TMEM51: variants seen among roughly 807,000 people sequenced by gnomAD.
TMEM51 encodes chromosome 1 open reading frame 72.
TMEM51 carries 8 observed loss-of-function variants against 13.6 expected under a neutral mutation model. The ratio of observed to expected loss-of-function variants is 0.59; its 90% CI spans 0.35 to 1.07. TMEM51 has a LOEUF of 1.07. Ranked by LOEUF, TMEM51 falls within the 50% of genes least tolerant of loss-of-function variation. The pLI is 0.02. For missense variants in TMEM51, 279 were observed against 330.7 expected (o/e 0.84, Z 1.21); for synonymous variants, 147 against 144.4 (o/e 1.02, Z -0.13).
At chr1:15,193,174 C>T (rs1643969072) in intron 1 of TMEM51, among the ~76,000 whole-genome samples, 1 of 152,236 alleles carries the variant, frequency 6.6e-6, no homozygotes, top group Admixed American at 6.5e-5. Context: ...GCGCTGTCAT[C>T]TGGGGGTTTC....
At chr1:15,200,421 AAAAAAAAAAAAG>A (rs1278726270) in intron 1 of TMEM51, among the ~76,000 whole-genome samples, 22 of 149,198 alleles carry the variant, frequency 1.5e-4, no homozygotes, top group Admixed American at 1.5e-3. Flanking sequence ...AAAAAAAAAA[AAAAAAAAAAAAG>A]AGAGAGATTA....
chr1:15,180,565 A>G (rs1438991712), intron 1 of TMEM51, among the ~76,000 whole-genome samples: 3 of 152,180 alleles, frequency 2.0e-5, no homozygotes, highest in Admixed American at 1.3e-4. Flanking sequence ...TTTTGGGGGC[A>G]TGTTTAATTA....
intron 1 of TMEM51, among the ~76,000 whole-genome samples, chr1:15,175,362 T>C (rs1374465098): frequency 1.3e-5 from 2 of 152,112 alleles, no homozygotes; most frequent in African/African-American, 2.4e-5. Flanking sequence ...ACCATACCAC[T>C]GCACTCCAGT....
chr1:15,192,304 TG>T, intron 1 of TMEM51: 1 of 367,972 alleles, frequency 2.7e-6, no homozygotes. Context: ...CAGGATCTAC[TG>T]GTCTTGAAAG....
intron 1 of TMEM51, among the ~76,000 whole-genome samples, chr1:15,159,431 C>T (rs1424619689): frequency 6.6e-6 from 1 of 152,218 alleles, no homozygotes; most frequent in African/African-American, 2.4e-5. Context: ...TCATGTTTAT[C>T]CTAAAGCCTG....
chr1:15,188,958 G>A (rs1643865246), intron 1 of TMEM51, among the ~76,000 whole-genome samples: 1 of 152,110 alleles, frequency 6.6e-6, no homozygotes, highest in South Asian at 2.1e-4. Context: ...GCCTCTCCAG[G>A]GTCCACCCTT....
chr1:15,182,631 G>T (rs532645695), intron 1 of TMEM51, among the ~76,000 whole-genome samples: 4 of 152,330 alleles, frequency 2.6e-5, no homozygotes, highest in Non-Finnish European at 5.9e-5. Context: ...ACCTTAGGCA[G>T]TTGGGAGCAA....
At chr1:15,171,252 T>C in intron 1 of TMEM51, 1 of 1,304,028 alleles carries the variant, frequency 7.7e-7, no homozygotes, top group South Asian at 1.2e-5. Context: ...GATCAAAAGG[T>C]TTGCAGGTCA....
At chr1:15,168,332 G>A in intron 1 of TMEM51, 1 of 760,810 alleles carries the variant, frequency 1.3e-6, no homozygotes, top group Non-Finnish European at 1.8e-6. Context: ...GATTCTCAAA[G>A]GGGTCTGTGC....
chr1:15,161,324 T>C lies in TMEM51; in HGVS notation c.-267+7370T>C, dbSNP rs765389455. Among the ~76,000 whole-genome samples the C allele has an allele frequency of 6.6e-6, 1 of 151,794 alleles. No homozygotes were observed. Among genetic ancestry groups the C allele is most frequent in the African/African-American group, 2.4e-5 (1 of 41,192 alleles). On this transcript the variant is annotated intron_variant, in intron 1 of 3. Transcript: ENST00000376008. The surrounding 1 kb of genome is among the most constrained non-coding windows in gnomAD (Gnocchi z 4.0). Reference sequence around the variant, plus strand: ...GAGTTCACGACTAGCCTGGCCAACATGGTGAAACCCCATCTCTACTAAAAA... The same window carrying C: ...GAGTTCACGACTAGCCTGGCCAACACGGTGAAACCCCATCTCTACTAAAAA...
chr1:15,214,202 G>A (rs1050494130), intron 2 of TMEM51, among the ~76,000 whole-genome samples: 1 of 152,054 alleles, frequency 6.6e-6, no homozygotes, highest in African/African-American at 2.4e-5. Context: ...GTGGTCATGG[G>A]AAGAGAGAGA....
At chr1:15,177,720 T>C (rs550799676) in intron 1 of TMEM51, among the ~76,000 whole-genome samples, 1 of 152,272 alleles carries the variant, frequency 6.6e-6, no homozygotes, top group African/African-American at 2.4e-5. Flanking sequence ...TAAGATTGCA[T>C]GATTTGCACC....
At chr1:15,162,741 A>G (rs2100815779) in intron 1 of TMEM51, among the ~76,000 whole-genome samples, 1 of 152,200 alleles carries the variant, frequency 6.6e-6, no homozygotes, top group South Asian at 2.1e-4. Flanking sequence ...TGAGGACATC[A>G]TGCTAAGTGA....
Position 15,157,739 on chromosome 1 carries a change from T to A in TMEM51, c.-267+3785T>A, listed in dbSNP as rs191584444. Among the ~76,000 whole-genome samples the A allele has an allele frequency of 3.9e-5, 6 of 152,330 alleles. No homozygotes were observed. The East Asian group carries it at 1.2e-3, about 29-fold the overall frequency. ...CTGGCATTAACACCACGGCATGAGC[T>A]AGTGAGTGCATTTATCTGGCACTCC... On this transcript the variant is annotated intron_variant, in intron 1 of 3. Coordinates refer to ENST00000376008, the MANE Select transcript of TMEM51 (RefSeq NM_001136218.2).
chr1:15,197,806 A>G (rs1157045476), intron 1 of TMEM51, among the ~76,000 whole-genome samples: 4 of 151,750 alleles, frequency 2.6e-5, no homozygotes, highest in African/African-American at 4.8e-5. Context: ...CACTTCCCTG[A>G]TCTCGCTGTG....
intron 1 of TMEM51, among the ~76,000 whole-genome samples, chr1:15,204,014 T>C (rs575506094): frequency 6.6e-6 from 1 of 152,346 alleles, no homozygotes; most frequent in South Asian, 2.1e-4. Flanking sequence ...TAAATTCTCA[T>C]CTGTGACTTC....
chr1:15,219,721 C>A lies in TMEM51; in HGVS notation c.740C>A (p.Pro247His). Residue 247 changes from proline to histidine, a missense_variant, in exon 4 of 4, where the codon CCC (proline) becomes CAC (histidine). Pro to His is a moderately conservative substitution (Grantham distance 77, BLOSUM62 -2). Transcript: ENST00000376008. The stretch of plus-strand genomic sequence containing the variant: ...TATGATGAAGTCCAGGAGAAGGCCC[C>A]CGACACCCGGCCGCCCGACTGAATG... The part of the protein sequence containing the change: ...PQYDEVQEKA[P>H]DTRPPD The A allele has an allele frequency of 6.2e-7, 1 of 1,613,272 alleles. No homozygotes were observed. The highest frequency in any genetic ancestry group is 8.5e-7 in the Non-Finnish European group (1 of 1,179,752).
At chr1:15,200,666 C>T (rs2100309778) in intron 1 of TMEM51, among the ~76,000 whole-genome samples, 1 of 152,252 alleles carries the variant, frequency 6.6e-6, no homozygotes, top group Non-Finnish European at 1.5e-5. Context: ...CTAATACAAG[C>T]TCTTAATCTC....
At chr1:15,162,935 G>C (rs1394677319) in intron 1 of TMEM51, among the ~76,000 whole-genome samples, 1 of 152,026 alleles carries the variant, frequency 6.6e-6, no homozygotes, top group East Asian at 1.9e-4. Context: ...AATGCATGAT[G>C]GTGATGGTTG....
Sources: allele counts gnomAD v4.1 joint callset (sites outside exome capture counted in the v4.1 genomes callset), GRCh38; gene constraint gnomAD v4.1.1; non-coding constraint Gnocchi (gnomAD v3.1); transcripts MANE v1.5; gene names NCBI Gene and HGNC (gene_info 2026-07-23, HGNC 2026-07-21).